GATAD2B: variants seen among roughly 807,000 people sequenced by gnomAD.
GATAD2B encodes the protein GATA zinc finger domain containing 2B, also known as transcriptional repressor p66-beta.
In GATAD2B, 8 loss-of-function variants were observed where a neutral mutation model predicts 64.3. The observed-to-expected ratio is 0.12, with a 90% CI of 0.07 to 0.22. The LOEUF is 0.22. Ranked by LOEUF, GATAD2B falls within the 10% of genes least tolerant of loss-of-function variation. The pLI is 1.00. For synonymous variants in GATAD2B, 281 were observed against 271.3 expected, an observed-to-expected ratio of 1.04 and a Z score of -0.35; for missense variants, 453 against 752.0, an observed-to-expected ratio of 0.60 and a Z score of 4.65.
intron 1 of GATAD2B, among the ~76,000 whole-genome samples, chr1:153,874,145 C>T (rs1463135000): frequency 2.0e-5 from 3 of 151,684 alleles, no homozygotes; most frequent in Non-Finnish European, 2.9e-5. Context: ...GCCTGTAGTC[C>T]CAGCTACTTG....
At chr1:153,814,277 T>C (rs1018164968) in intron 7 of GATAD2B, among the ~76,000 whole-genome samples, 7 of 152,220 alleles carry the variant, frequency 4.6e-5, no homozygotes, top group Admixed American at 3.3e-4. Context: ...AGTCTACCTG[T>C]TTAGAAATTC....
chr1:153,908,539 C>A (rs1171948213), intron 1 of GATAD2B, among the ~76,000 whole-genome samples: 1 of 151,006 alleles, frequency 6.6e-6, no homozygotes. Flanking sequence ...TCCAATGTCG[C>A]AATCTTGCAA....
chr1:153,870,912 GT>G (rs1339919644), intron 1 of GATAD2B, among the ~76,000 whole-genome samples: 1 of 151,824 alleles, frequency 6.6e-6, no homozygotes, highest in African/African-American at 2.4e-5. Flanking sequence ...CTAGAGAGAG[GT>G]TTTTTTTGTT....
At chr1:153,847,525 G>A (rs1158781166) in intron 1 of GATAD2B, among the ~76,000 whole-genome samples, 1 of 152,146 alleles carries the variant, frequency 6.6e-6, no homozygotes, top group Non-Finnish European at 1.5e-5. Context: ...TGAGATTACA[G>A]GCATGAATCA....
At chr1:153,852,574 C>A in intron 1 of GATAD2B, 1 of 773,476 alleles carries the variant, frequency 1.3e-6, no homozygotes, top group Admixed American at 1.7e-5. Context: ...TAGAGCTTAT[C>A]CTGAGCATCC....
Position 153,831,609 on chromosome 1 carries a change from A to C in GATAD2B, c.-1-3261T>G, listed in dbSNP as rs1675078768. On this transcript the variant is annotated intron_variant, in intron 1 of 10. Transcript: ENST00000368655. The stretch of plus-strand genomic sequence containing the variant: ...ATGTTTAGTATATTCAGAGCTGTGC[A>C]ACTATCATTATAATCAACTTTAGAA... 2.0e-5 allele frequency among the ~76,000 whole-genome samples: 3 copies of C among 152,238 alleles called. No homozygotes were observed. In the South Asian group the frequency reaches 6.2e-4, roughly 31 times the overall value.
chr1:153,853,288 G>A, intron 1 of GATAD2B: 1 of 875,978 alleles, frequency 1.1e-6, no homozygotes, highest in Non-Finnish European at 1.9e-6. Flanking sequence ...CAGACTTCAA[G>A]TAGGACACTG....
chr1:153,827,020 A>C (rs1674904290), intron 2 of GATAD2B, among the ~76,000 whole-genome samples: 2 of 150,862 alleles, frequency 1.3e-5, no homozygotes, highest in Non-Finnish European at 3.0e-5. Flanking sequence ...CTGAGGAGGG[A>C]GGACCACTTG....
chr1:153,830,454 TTTTTA>T (rs71093291), intron 1 of GATAD2B, among the ~76,000 whole-genome samples: 43 of 133,274 alleles, frequency 3.2e-4, no homozygotes, highest in Middle Eastern at 4.0e-3. Context: ...CCTGTTTTTA[TTTTTA>T]TTTTATTTTA....
intron 1 of GATAD2B, among the ~76,000 whole-genome samples, chr1:153,900,567 G>A (rs34579266): frequency 0.13 from 19,565 of 152,062 alleles, 1,733 homozygotes; most frequent in East Asian, 0.49. Context: ...CCAGGCTAGA[G>A]TACAGTGGTG....
intron 1 of GATAD2B, among the ~76,000 whole-genome samples, chr1:153,870,352 A>T (rs59868092): frequency 0.02 from 3,058 of 152,222 alleles, 111 homozygotes; most frequent in African/African-American, 0.07. Context: ...GGGCAGAATC[A>T]CGAGGTCAGG....
chr1:153,878,748 G>A (rs191348912), intron 1 of GATAD2B, among the ~76,000 whole-genome samples: 19 of 144,076 alleles, frequency 1.3e-4, no homozygotes, highest in Admixed American at 1.3e-3. Flanking sequence ...AAAACCAACT[G>A]TAACAGTGTG....
intron 1 of GATAD2B, among the ~76,000 whole-genome samples, chr1:153,884,309 G>A (rs1232036496): frequency 2.6e-5 from 4 of 152,224 alleles, no homozygotes; most frequent in South Asian, 2.1e-4. Context: ...GCGTGGTGAT[G>A]GCGGGTGCCT....
chr1:153,815,537 T>C (rs922385508), intron 7 of GATAD2B, among the ~76,000 whole-genome samples: 1 of 151,992 alleles, frequency 6.6e-6, no homozygotes, highest in African/African-American at 2.4e-5. Context: ...AAAGTCACAG[T>C]TTCTAAGAAA....
chr1:153,853,245 T>A (rs2101912593), intron 1 of GATAD2B: 1 of 1,055,740 alleles, frequency 9.5e-7, no homozygotes, highest in South Asian at 1.3e-5. Context: ...ACCGAGGTGA[T>A]GGTCTTCACA....
intron 1 of GATAD2B, among the ~76,000 whole-genome samples, chr1:153,859,061 A>C (rs1386317154): frequency 6.6e-6 from 1 of 152,124 alleles, no homozygotes; most frequent in Non-Finnish European, 1.5e-5. Context: ...TGAAGTGCTA[A>C]ATCCAAGACG....
At chr1:153,828,674 CTTTTA>C (rs142118246) in intron 1 of GATAD2B, among the ~76,000 whole-genome samples, 4,721 of 146,478 alleles carry the variant, frequency 0.032, 247 homozygotes, top group African/African-American at 0.11. Context: ...TTTTTTTTGG[CTTTTA>C]TTTTATGTTC....
chr1:153,890,501 A>C (rs1677346617), intron 1 of GATAD2B: 1 of 152,042 alleles, frequency 6.6e-6, no homozygotes, highest in Admixed American at 6.6e-5. Context: ...AAAAAAAAAA[A>C]AAACGACAGA....
chr1:153,842,373 G>A (rs898233988), intron 1 of GATAD2B, among the ~76,000 whole-genome samples: 1 of 152,024 alleles, frequency 6.6e-6, no homozygotes, highest in Non-Finnish European at 1.5e-5. Context: ...TTAGATACTA[G>A]TTGTTAGTCA....
Sources: gnomAD v4.1 joint callset for allele counts (sites outside exome capture counted in the v4.1 genomes callset) on GRCh38, gnomAD v4.1.1 for gene constraint, MANE v1.5 for transcripts, NCBI Gene and HGNC (gene_info 2026-07-23, HGNC 2026-07-21) for gene names.